ZNF521: variants seen among roughly 807,000 people sequenced by gnomAD.
The protein encoded by ZNF521 is LYST-interacting protein 3.
A neutral mutation model predicts 105.5 loss-of-function variants in ZNF521; 14 were observed. That is an observed-to-expected ratio of 0.13 (90% CI 0.09 to 0.21). ZNF521 has a LOEUF of 0.21. ZNF521 is among the 10% of genes least tolerant of loss of function. The pLI, the probability that ZNF521 is intolerant of heterozygous loss-of-function variation, is 1.00. For synonymous variants in ZNF521, 635 were observed against 606.0 expected, an observed-to-expected ratio of 1.05 and a Z score of -0.70; for missense variants, 1,233 against 1,629.7, an observed-to-expected ratio of 0.76 and a Z score of 4.19.
At chr18:25,191,471 T>C (rs941351744) in intron 5 of ZNF521, among the ~76,000 whole-genome samples, 1 of 152,172 alleles carries the variant, frequency 6.6e-6, no homozygotes, top group Non-Finnish European at 1.5e-5. Context: ...CGCTTGCAAT[T>C]TGCTCACTAT....
At chr18:25,339,785 G>A (rs1375806983) in intron 2 of ZNF521, among the ~76,000 whole-genome samples, 1 of 152,134 alleles carries the variant, frequency 6.6e-6, no homozygotes, top group East Asian at 1.9e-4. Context: ...TTGACATATG[G>A]GGTATAAGGG....
At chr18:25,066,619 G>A (rs898373770) in intron 7 of ZNF521, among the ~76,000 whole-genome samples, 1 of 152,172 alleles carries the variant, frequency 6.6e-6, no homozygotes, top group African/African-American at 2.4e-5. Context: ...GGAGACAAGA[G>A]GCAAGTGGGA....
At chr18:25,228,865 C>T (rs1460810344) in intron 3 of ZNF521, among the ~76,000 whole-genome samples, 1 of 152,098 alleles carries the variant, frequency 6.6e-6, no homozygotes, top group African/African-American at 2.4e-5. Context: ...GTTGTGAAAC[C>T]TCTTTTTTGC....
chr18:25,152,687 C>T (rs185995604), intron 5 of ZNF521, among the ~76,000 whole-genome samples: 8 of 152,196 alleles, frequency 5.3e-5, no homozygotes, highest in Non-Finnish European at 1.0e-4. Context: ...AGTGGAAAAA[C>T]GCCCGTTCAC....
intron 3 of ZNF521, among the ~76,000 whole-genome samples, chr18:25,284,493 G>A (rs8094894): frequency 0.065 from 9,832 of 152,180 alleles, 1,039 homozygotes; most frequent in African/African-American, 0.22. Flanking sequence ...CATCTCATCA[G>A]AAAGCAGCCA....
At chr18:25,169,668 G>A (rs1205036907) in intron 5 of ZNF521, among the ~76,000 whole-genome samples, 1 of 152,032 alleles carries the variant, frequency 6.6e-6, no homozygotes, top group Non-Finnish European at 1.5e-5. Flanking sequence ...AATAAATGAC[G>A]ACCTACAATT....
At chr18:25,086,144 T>A (rs1430553093) in intron 7 of ZNF521, among the ~76,000 whole-genome samples, 1 of 152,104 alleles carries the variant, frequency 6.6e-6, no homozygotes, top group African/African-American at 2.4e-5. Context: ...CAGTGGCTGA[T>A]AAAATGGCTT....
At chr18:25,284,024 C>G (rs1910543729) in intron 3 of ZNF521, among the ~76,000 whole-genome samples, 1 of 151,074 alleles carries the variant, frequency 6.6e-6, no homozygotes. Flanking sequence ...GTCTGCAAAG[C>G]TGAAAGAAGC....
At chr18:25,195,080 T>C in intron 5 of ZNF521, 80 bp downstream of exon 5, 1 of 1,101,248 alleles carries the variant, frequency 9.1e-7, no homozygotes, top group Non-Finnish European at 1.3e-6. Context: ...AACAATTAAT[T>C]CATCTTTAAC....
At chr18:25,218,580 AG>A (rs1275366136) in intron 4 of ZNF521, among the ~76,000 whole-genome samples, 1 of 149,280 alleles carries the variant, frequency 6.7e-6, no homozygotes, top group African/African-American at 2.5e-5. Flanking sequence ...ATTGCTCAGG[AG>A]GTTGAGGCTG....
In ZNF521 at chr18:25,225,809, G is replaced by A. The variant is rs1187368988; in HGVS notation, c.2109C>T (p.Phe703=). 5 of 1,614,242 alleles carry A rather than the reference G, an allele frequency of 3.1e-6. No individual in the cohort carries two copies. Among genetic ancestry groups the A allele is most frequent in the South Asian group, 1.1e-5 (1 of 91,092 alleles). The change falls in exon 4 of 8, where the codon TTC becomes TTT. Residue 703 remains phenylalanine, a synonymous_variant. Coordinates refer to ENST00000361524, the MANE Select transcript of ZNF521 (RefSeq NM_015461.3). This position sits in a 1 kb window ranked among gnomAD's most constrained non-coding sequence, Gnocchi z 5.6. ...YYICESCDKQ[F]TSVDDLQKHL... Reference sequence around the variant, plus strand: ...GTTTCTGAAGGTCATCCACTGATGTGAATTGCTTGTCACAACTCTCACAGA... The same window carrying A: ...GTTTCTGAAGGTCATCCACTGATGTAAATTGCTTGTCACAACTCTCACAGA...
At chr18:25,187,861 G>A (rs1600134409) in intron 5 of ZNF521, among the ~76,000 whole-genome samples, 2 of 152,066 alleles carry the variant, frequency 1.3e-5, no homozygotes, top group Admixed American at 6.6e-5. Flanking sequence ...TATGTGTCAG[G>A]AATAAATAAA....
intron 5 of ZNF521, among the ~76,000 whole-genome samples, chr18:25,168,255 C>T (rs189646070): frequency 1.3e-5 from 2 of 152,234 alleles, no homozygotes; most frequent in East Asian, 1.9e-4. Flanking sequence ...GTGGGGATAG[C>T]GGCTCCTGAA....
intron 2 of ZNF521, 73 bp downstream of exon 2, chr18:25,350,834 G>C (rs1231848115): frequency 1.6e-5 from 24 of 1,502,414 alleles, no homozygotes; most frequent in Non-Finnish European, 1.8e-5. Flanking sequence ...TCGCAGCCAC[G>C]CAGCCCTCGC....
At chr18:25,169,307 T>C (rs1228143244) in intron 5 of ZNF521, among the ~76,000 whole-genome samples, 2 of 152,168 alleles carry the variant, frequency 1.3e-5, no homozygotes, top group African/African-American at 4.8e-5. Context: ...GAGAGTTGCA[T>C]GAAAGTGCCC....
intron 3 of ZNF521, among the ~76,000 whole-genome samples, chr18:25,247,662 G>T (rs1907825000): frequency 6.6e-6 from 1 of 152,190 alleles, no homozygotes; most frequent in Non-Finnish European, 1.5e-5. Context: ...CGATCATGAT[G>T]GCTTATGGCC....
intron 5 of ZNF521, among the ~76,000 whole-genome samples, chr18:25,185,182 T>A (rs1003643633): frequency 6.6e-6 from 1 of 152,164 alleles, no homozygotes; most frequent in South Asian, 2.1e-4. Context: ...GGGCAATAGT[T>A]GACCATTTTG....
intron 4 of ZNF521, among the ~76,000 whole-genome samples, chr18:25,210,302 G>A (rs1157598793): frequency 6.6e-6 from 1 of 152,146 alleles, no homozygotes; most frequent in Non-Finnish European, 1.5e-5. Flanking sequence ...AGATGACCCT[G>A]TCAACTGTTA....
At chr18:25,203,925 C>G (rs2036035197) in intron 4 of ZNF521, among the ~76,000 whole-genome samples, 1 of 152,192 alleles carries the variant, frequency 6.6e-6, no homozygotes, top group South Asian at 2.1e-4. Flanking sequence ...GGAGGTGGAT[C>G]TCTCAAAGCT....
Sources: gnomAD v4.1 joint callset for allele counts (sites outside exome capture counted in the v4.1 genomes callset) on GRCh38, gnomAD v4.1.1 for gene constraint, Gnocchi (gnomAD v3.1) non-coding constraint, MANE v1.5 for transcripts, NCBI Gene and HGNC (gene_info 2026-07-23, HGNC 2026-07-21) for gene names.